LMO7: variants seen among roughly 807,000 people sequenced by gnomAD.
LMO7 encodes the protein LIM domain 7.
Under a neutral mutation model 206.5 loss-of-function variants are expected in LMO7, and 120 were observed. The observed-to-expected ratio is 0.58, with a 90% confidence interval of 0.50 to 0.68. The LOEUF is 0.68. Ranked by LOEUF, LMO7 falls within the 30% of genes least tolerant of loss-of-function variation. The probability of loss-of-function intolerance (pLI) is 0.00; values close to 1 mark genes in which losing one functional copy is unlikely to be tolerated. For missense variants in LMO7, 1,959 were observed against 1,957.9 expected (o/e 1.00, Z -0.01); for synonymous variants, 706 against 681.5 (o/e 1.04, Z -0.56).
In LMO7 at chr13:75,655,868, C is replaced by G. The variant is rs190743451; in HGVS notation, c.69+19142C>G. Among the ~76,000 whole-genome samples, 41 of 152,052 alleles carry G rather than the reference C, an allele frequency of 2.7e-4. No homozygotes were observed. The East Asian group carries it at 6.0e-3, about 22-fold the overall frequency. The stretch of plus-strand genomic sequence containing the variant: ...CCTGAGGTGTGTGGTTAATCTATCC[C>G]TGTGTTGTCATTGCAGCTCAGGTCC... On this transcript the variant is annotated intron_variant, in intron 1 of 30. Transcript: ENST00000377534.
At chr13:75,701,526 A>G (rs886915405) in intron 1 of LMO7, among the ~76,000 whole-genome samples, 6 of 152,192 alleles carry the variant, frequency 3.9e-5, no homozygotes, top group Admixed American at 6.5e-5. Flanking sequence ...AAATGACGCC[A>G]TCTTTTTGCT....
intron 15 of LMO7, among the ~76,000 whole-genome samples, chr13:75,826,752 C>G (rs528190105): frequency 2.0e-5 from 3 of 152,264 alleles, no homozygotes; most frequent in Admixed American, 6.5e-5. Context: ...GGGCATGTTA[C>G]TTGTCCAAGG....
rs113999694 is a variant in LMO7 at position 75,646,134 on chromosome 13, C to A, written c.69+9408C>A. 1.9e-3 allele frequency among the ~76,000 whole-genome samples: 287 copies of A among 152,294 alleles called. 1 individual carries two copies. The highest frequency in any genetic ancestry group is 6.5e-3 in the African/African-American group (272 of 41,570). On this transcript the variant is annotated intron_variant, in intron 1 of 30. Coordinates refer to ENST00000377534, the MANE Select transcript of LMO7 (RefSeq NM_001306080.2). Reference sequence around the variant, plus strand: ...ATGTTTCTATCTTAGCAAATGGCATCATTGTTCAGCCAGTTGCTCAGGCTT... The same window carrying A: ...ATGTTTCTATCTTAGCAAATGGCATAATTGTTCAGCCAGTTGCTCAGGCTT...
chr13:75,648,570 AC>A (rs1401158680), intron 1 of LMO7, among the ~76,000 whole-genome samples: 1 of 152,178 alleles, frequency 6.6e-6, no homozygotes, highest in Admixed American at 6.5e-5. Context: ...CCTCCGTCTT[AC>A]TCATTTTCTT....
chr13:75,744,546 G>C (rs189656845), intron 3 of LMO7, among the ~76,000 whole-genome samples: 2 of 152,258 alleles, frequency 1.3e-5, no homozygotes, highest in Admixed American at 1.3e-4. Context: ...GATAAACTTG[G>C]AATGTCTCCC....
At chr13:75,795,736 TA>T (rs2053924044) in intron 5 of LMO7, among the ~76,000 whole-genome samples, 1 of 152,174 alleles carries the variant, frequency 6.6e-6, no homozygotes, top group Non-Finnish European at 1.5e-5. Context: ...TTGTTTCTTT[TA>T]ATGGCTGCAT....
At chr13:75,810,549 G>A (rs1425130798) in intron 11 of LMO7, among the ~76,000 whole-genome samples, 2 of 152,218 alleles carry the variant, frequency 1.3e-5, no homozygotes, top group African/African-American at 2.4e-5. Flanking sequence ...CAGCTCATCT[G>A]CATGATGCTT....
chr13:75,845,432 C>A, intron 26 of LMO7, 53 bp downstream of exon 26: 1 of 1,047,290 alleles, frequency 9.5e-7, no homozygotes, highest in South Asian at 1.3e-5. Flanking sequence ...TTTGTGGTAT[C>A]ATGTTATGAG....
At chr13:75,849,343 T>C (rs2060281428) in intron 27 of LMO7, 51 bp downstream of exon 27, 4 of 1,402,826 alleles carry the variant, frequency 2.9e-6, no homozygotes, top group Non-Finnish European at 4.0e-6. Context: ...GAGGCAGATA[T>C]TTAATTTGTA....
At chr13:75,835,083 C>A in intron 17 of LMO7, 150 bp from the exon 18 acceptor site, 2 of 879,334 alleles carry the variant, frequency 2.3e-6, no homozygotes, top group Non-Finnish European at 3.2e-6. Flanking sequence ...TATATATGTG[C>A]ATTCAATGAC....
At chr13:75,691,445 C>T (rs531797468) in intron 1 of LMO7, among the ~76,000 whole-genome samples, 34 of 152,214 alleles carry the variant, frequency 2.2e-4, no homozygotes, top group South Asian at 4.1e-4. Context: ...GGCCAACTCA[C>T]GTCAGCCTCA....
At chr13:75,804,955 A>T (rs1426227404) in intron 8 of LMO7, 1 of 1,002,848 alleles carries the variant, frequency 1.0e-6, no homozygotes, top group African/African-American at 1.7e-5. Flanking sequence ...GGGGAGGCGT[A>T]CGGTTTTGAA....
chr13:75,807,128 C>CAAAA, intron 9 of LMO7: 1 of 207,932 alleles, frequency 4.8e-6, no homozygotes, highest in Non-Finnish European at 9.8e-6. Flanking sequence ...TCAGAACAAA[C>CAAAA]AAACAAACAA....
intron 2 of LMO7, among the ~76,000 whole-genome samples, chr13:75,716,440 T>A (rs1247750854): frequency 1.3e-5 from 2 of 152,178 alleles, no homozygotes; most frequent in Non-Finnish European, 2.9e-5. Flanking sequence ...TTAGTTTGAC[T>A]GTGGCATCTA....
chr13:75,669,883 T>C (rs2039399993), intron 1 of LMO7, among the ~76,000 whole-genome samples: 1 of 152,164 alleles, frequency 6.6e-6, no homozygotes, highest in Non-Finnish European at 1.5e-5. Context: ...TTTCAGGATA[T>C]GGGATAGGGA....
chr13:75,841,325 G>GA (rs1345557865), intron 23 of LMO7, 124 bp downstream of exon 23: 2 of 664,804 alleles, frequency 3.0e-6, no homozygotes, highest in Non-Finnish European at 5.2e-6. Context: ...GTAGCTCTTT[G>GA]AAAAATACAA....
chr13:75,768,947 G>GT (rs921587655), intron 4 of LMO7, among the ~76,000 whole-genome samples: 27 of 151,898 alleles, frequency 1.8e-4, no homozygotes, highest in African/African-American at 5.3e-4. Flanking sequence ...TGAAATATTT[G>GT]TTTTTTTACC....
At chr13:75,743,201 C>T (rs1225688796) in intron 3 of LMO7, among the ~76,000 whole-genome samples, 3 of 152,022 alleles carry the variant, frequency 2.0e-5, no homozygotes, top group African/African-American at 4.8e-5. Context: ...ATGGCTATTA[C>T]TAAAAAGTCA....
intron 3 of LMO7, among the ~76,000 whole-genome samples, chr13:75,753,204 G>A (rs955338790): frequency 1.3e-5 from 2 of 151,854 alleles, no homozygotes; most frequent in African/African-American, 4.8e-5. Flanking sequence ...TCATATTTTT[G>A]TTGGCCATTT....
Sources: gnomAD v4.1 joint callset for allele counts (sites outside exome capture counted in the v4.1 genomes callset) on GRCh38, gnomAD v4.1.1 for gene constraint, MANE v1.5 for transcripts, NCBI Gene and HGNC (gene_info 2026-07-23, HGNC 2026-07-21) for gene names.